ECT2: variants seen among roughly 807,000 people sequenced by gnomAD.
ECT2 encodes epithelial cell transforming 2.
In ECT2, 61 loss-of-function variants were observed where a neutral mutation model predicts 116.9. The ratio of observed to expected loss-of-function variants is 0.52; its 90% CI spans 0.42 to 0.65. The LOEUF (loss-of-function observed/expected upper bound fraction) is 0.65. ECT2 is among the 30% of genes least tolerant of loss of function. The pLI is 0.00. For missense variants in ECT2, 937 were observed against 1,078.7 expected, an observed-to-expected ratio of 0.87 and a Z score of 1.84; for synonymous variants, 358 against 346.4, an observed-to-expected ratio of 1.03 and a Z score of -0.37.
At chr3:172,815,822 G>T in intron 23 of ECT2, 111 bp downstream of exon 23, 1 of 704,482 alleles carries the variant, frequency 1.4e-6, no homozygotes, top group East Asian at 3.0e-5. Context: ...AAACAAAGCT[G>T]TTCTTCGGTT....
chr3:172,821,978 T>A (rs966517629), downstream of ECT2, among the ~76,000 whole-genome samples: 2 of 151,916 alleles, frequency 1.3e-5, no homozygotes, highest in Non-Finnish European at 3.0e-5. Context: ...GAAGACAGTT[T>A]GCATGTATCA....
chr3:172,783,753 G>T, intron 15 of ECT2, 46 bp from the exon 16 acceptor site: 3 of 1,246,270 alleles, frequency 2.4e-6, no homozygotes, highest in Non-Finnish European at 3.5e-6. Flanking sequence ...GTCTCTAAGG[G>T]TGACAAATGC....
At chr3:172,763,014 T>G (rs1178930976) in intron 11 of ECT2, 42 bp downstream of exon 11, 1 of 1,595,886 alleles carries the variant, frequency 6.3e-7, no homozygotes, top group Non-Finnish European at 8.6e-7. Flanking sequence ...GTGAGCTTGA[T>G]TGTTTGAAAA....
At chr3:172,802,571 T>C in intron 18 of ECT2, 45 bp from the exon 19 acceptor site, 1 of 1,230,034 alleles carries the variant, frequency 8.1e-7, no homozygotes. Flanking sequence ...TTTGTTGTAG[T>C]TTTCATGTTC....
At chr3:172,789,962 A>C (rs1472453715) in intron 18 of ECT2, among the ~76,000 whole-genome samples, 2 of 152,102 alleles carry the variant, frequency 1.3e-5, no homozygotes, top group East Asian at 3.9e-4. Flanking sequence ...CTTCCAAACT[A>C]TTAATGTCGA....
At chr3:172,791,431 C>G (rs930250826) in intron 18 of ECT2, among the ~76,000 whole-genome samples, 1 of 152,198 alleles carries the variant, frequency 6.6e-6, no homozygotes, top group Non-Finnish European at 1.5e-5. Flanking sequence ...GCTGTTTTGT[C>G]TACACTGAAA....
intron 17 of ECT2, among the ~76,000 whole-genome samples, chr3:172,785,048 T>C (rs1388769859): frequency 1.3e-5 from 2 of 152,202 alleles, no homozygotes; most frequent in African/African-American, 4.8e-5. Flanking sequence ...TTTTTCTTAA[T>C]ATTTCATGGT....
At position 172,798,604 on chromosome 3, in the gene ECT2, T is replaced by C. The variant is rs967098112; in HGVS notation, c.1908-4012T>C. On this transcript the variant is annotated intron_variant, in intron 18 of 24. Coordinates refer to ENST00000392692, the MANE Select transcript of ECT2 (RefSeq NM_001258315.2). ...TGACTTTTATTTAAAATATTGTTGG[T>C]TCTTTATGCAAATGTTTTGTTTTCC... Among the ~76,000 whole-genome samples, 3 of 152,290 alleles carry C rather than the reference T, an allele frequency of 2.0e-5. No homozygotes were observed. The South Asian group carries it at 6.2e-4, about 32-fold the overall frequency.
intron 22 of ECT2, 79 bp downstream of exon 22, chr3:172,808,003 T>C (rs1364250643): frequency 8.9e-6 from 12 of 1,345,860 alleles, no homozygotes; most frequent in Non-Finnish European, 1.0e-5. Flanking sequence ...ACATTTTTAA[T>C]GACTTGTTTA....
intron 17 of ECT2, among the ~76,000 whole-genome samples, chr3:172,785,758 A>G (rs1017072572): frequency 1.3e-5 from 2 of 152,204 alleles, no homozygotes; most frequent in Non-Finnish European, 2.9e-5. Flanking sequence ...TTACTGGCTT[A>G]TAAAATGATT....
At chr3:172,789,998 A>AT (rs35091912) in intron 18 of ECT2, among the ~76,000 whole-genome samples, 23 of 149,452 alleles carry the variant, frequency 1.5e-4, no homozygotes, top group Middle Eastern at 3.5e-3. Context: ...CGATTCACAA[A>AT]TTTTTTTTTT....
At chr3:172,782,045 A>C in intron 14 of ECT2, 118 bp from the exon 15 acceptor site, 1 of 453,808 alleles carries the variant, frequency 2.2e-6, no homozygotes, top group Non-Finnish European at 3.9e-6. Flanking sequence ...ATTATTTTAC[A>C]CATCAAATTA....
At chr3:172,788,092 G>T (rs1038713481) in intron 18 of ECT2, among the ~76,000 whole-genome samples, 1 of 151,944 alleles carries the variant, frequency 6.6e-6, no homozygotes, top group African/African-American at 2.4e-5. Context: ...TTTTAATGTC[G>T]AATTGTGATG....
intron 22 of ECT2, among the ~76,000 whole-genome samples, chr3:172,812,008 A>G (rs1728850644): frequency 6.6e-6 from 1 of 150,458 alleles, no homozygotes; most frequent in Admixed American, 6.6e-5. Flanking sequence ...TTGGGAGACA[A>G]AGTCTTGCTT....
chr3:172,812,908 C>T (rs963593505), intron 22 of ECT2, among the ~76,000 whole-genome samples: 1 of 152,040 alleles, frequency 6.6e-6, no homozygotes, highest in Non-Finnish European at 1.5e-5. Context: ...CTGAGCTTAT[C>T]CATATATACA....
At chr3:172,795,009 G>C (rs1725357194) in intron 18 of ECT2, among the ~76,000 whole-genome samples, 1 of 152,110 alleles carries the variant, frequency 6.6e-6, no homozygotes, top group African/African-American at 2.4e-5. Flanking sequence ...ACCGCACTTG[G>C]CCTATGTTAG....
chr3:172,766,170 A>G (rs551351668), intron 12 of ECT2, among the ~76,000 whole-genome samples: 5 of 152,328 alleles, frequency 3.3e-5, no homozygotes, highest in Non-Finnish European at 5.9e-5. Context: ...AGTGAATTCA[A>G]GGTTGGCCCA....
rs148097293 is a variant in ECT2, at chr3:172,807,772, T to G, written c.2248T>G (p.Cys750Gly). The part of the protein sequence containing the change: ...KVLDIRETED[C>G]HNAFALLVRP... ...TTATGGTTATTCTGGAACCCTAGAT[T>G]GCCATAATGCTTTTGCCTTGCTTGT... Residue 750 changes from cysteine (C) to glycine (G), a missense_variant and splice_region_variant, in exon 22 of 25, where the codon TGC becomes GGC. Physicochemically the swap from Cys to Gly is radical, Grantham distance 159. Coordinates refer to ENST00000392692, the MANE Select transcript of ECT2 (RefSeq NM_001258315.2). 6 of 1,610,098 alleles carry G rather than the reference T, an allele frequency of 3.7e-6. No individual in the cohort carries two copies. The African/African-American group carries it at 6.7e-5, about 18-fold the overall frequency.
intron 11 of ECT2, among the ~76,000 whole-genome samples, chr3:172,763,180 G>A (rs1254587679): frequency 6.6e-6 from 1 of 152,162 alleles, no homozygotes; most frequent in Non-Finnish European, 1.5e-5. Context: ...TGTTCTGTGC[G>A]AATTCTTGGT....
Sources: allele counts gnomAD v4.1 joint callset (sites outside exome capture counted in the v4.1 genomes callset), GRCh38; gene constraint gnomAD v4.1.1; transcripts MANE v1.5; gene names NCBI Gene and HGNC (gene_info 2026-07-23, HGNC 2026-07-21).